Variants in WASHC2A observed in about 807,000 individuals in gnomAD.
WASHC2A encodes the protein WASH complex subunit 2A.
A neutral mutation model predicts 140.3 loss-of-function variants in WASHC2A; 82 were observed. The observed-to-expected ratio is 0.58, with a 90% CI of 0.49 to 0.70. The LOEUF (loss-of-function observed/expected upper bound fraction) is 0.70. Among genes scored for constraint, WASHC2A ranks in the 30% least tolerant of loss-of-function variants. The pLI is 0.00. For synonymous variants in WASHC2A, 340 were observed against 560.8 expected, an observed-to-expected ratio of 0.61 and a Z score of 5.56; for missense variants, 985 against 1,521.8, an observed-to-expected ratio of 0.65 and a Z score of 5.87.
intron 19 of WASHC2A, among the ~76,000 whole-genome samples, chr10:50,109,812 C>G (rs1377981914): frequency 6.6e-6 from 1 of 152,194 alleles, no homozygotes; most frequent in African/African-American, 2.4e-5. Flanking sequence ...CTCTGTCCCC[C>G]AGGCTGGAGT....
At chr10:50,082,417 A>G (rs1838983709) in intron 5 of WASHC2A, among the ~76,000 whole-genome samples, 1 of 150,622 alleles carries the variant, frequency 6.6e-6, no homozygotes, top group East Asian at 2.0e-4. Flanking sequence ...CACAGGGGAC[A>G]GGGCAGCATT....
At chr10:50,077,235 A>T (rs1431835777) in intron 3 of WASHC2A, among the ~76,000 whole-genome samples, 3 of 152,092 alleles carry the variant, frequency 2.0e-5, no homozygotes, top group African/African-American at 7.2e-5. Flanking sequence ...TGGAGGTTGC[A>T]GTGAGCCAAG....
intron 19 of WASHC2A, 94 bp from the exon 20 acceptor site, chr10:50,110,007 T>A (rs1842140643): frequency 1.6e-5 from 19 of 1,218,358 alleles, no homozygotes; most frequent in Non-Finnish European, 2.2e-5. Context: ...GCTGATCTCG[T>A]GATTCACCCG....
Position 50,127,616 on chromosome 10 carries a change from C to T in WASHC2A, c.2908C>T (p.Pro970Ser). ...AGCGATCAACCCAGCGGCCTTGCTGCCCACAGCGGCTTCCCAGATCTCTGA... is the reference window on the plus strand; with the variant it reads ...AGCGATCAACCCAGCGGCCTTGCTGTCCACAGCGGCTTCCCAGATCTCTGA... ...NLAINPAALL[P>S]TAASQISEVK... Residue 970 changes from proline (P) to serine (S), a missense_variant, in exon 28 of 31, where the codon CCC becomes TCC. Transcript: ENST00000282633. 5 of 1,609,088 alleles carry T rather than the reference C, an allele frequency of 3.1e-6. No homozygotes were observed. The highest frequency in any genetic ancestry group is 4.2e-6 in the Non-Finnish European group (5 of 1,178,632).
At chr10:50,100,924 G>T (rs1841072052) in intron 17 of WASHC2A, among the ~76,000 whole-genome samples, 1 of 152,312 alleles carries the variant, frequency 6.6e-6, no homozygotes, top group Non-Finnish European at 1.5e-5. Flanking sequence ...GGCCTTTTAG[G>T]AGATCATAGA....
chr10:50,091,615 A>G (rs1253424504), intron 10 of WASHC2A, 97 bp downstream of exon 10: 8 of 1,028,652 alleles, frequency 7.8e-6, no homozygotes, highest in East Asian at 7.8e-5. Context: ...ATTAGTAATT[A>G]CTACATATAT....
chr10:50,081,053 T>C, intron 5 of WASHC2A, 122 bp downstream of exon 5: 2 of 588,258 alleles, frequency 3.4e-6, no homozygotes, highest in Non-Finnish European at 6.2e-6. Context: ...CTTAGTAGTC[T>C]CACATTGACT....
chr10:50,107,605 C>A (rs1445988423), intron 19 of WASHC2A, among the ~76,000 whole-genome samples: 1 of 132,182 alleles, frequency 7.6e-6, no homozygotes, highest in African/African-American at 3.2e-5. Context: ...AATTCCGAAG[C>A]AGATTGCAAA....
Position 50,104,111 on chromosome 10 carries a change from T to C in WASHC2A, c.1705T>C (p.Leu569=). 2 of 1,456,020 alleles carry C rather than the reference T, an allele frequency of 1.4e-6. 1 individual carries two copies. The highest frequency in any genetic ancestry group is 1.9e-6 in the Non-Finnish European group (2 of 1,053,484). 90.2% of individuals were successfully genotyped at this position (1,456,020 alleles called of 1,614,324 possible). A position where few individuals can be genotyped will look rare whatever the true frequency, so the allele number is the denominator to read the frequency against. ...ASLLPGKLPT[L]VSLFDDEDEE... The stretch of plus-strand genomic sequence containing the variant: ...TCTGCTGCCTGGCAAGCTCCCCACG[T>C]TGGTTTCCCTGTTTGATGATGAAGA... The change falls in exon 18 of 31, where the codon TTG becomes CTG. Residue 569 remains leucine, a synonymous_variant. Coordinates refer to ENST00000282633, the MANE Select transcript of WASHC2A (RefSeq NM_001005751.3).
At chr10:50,101,150 A>C (rs1370008550) in intron 17 of WASHC2A, among the ~76,000 whole-genome samples, 4 of 152,428 alleles carry the variant, frequency 2.6e-5, no homozygotes, top group African/African-American at 9.6e-5. Flanking sequence ...ACTGAAGGCG[A>C]GTGTACAAAA....
chr10:50,091,473 C>G lies in WASHC2A; in HGVS notation c.886C>G (p.Arg296Gly). ...ATCGTTTGCAGATGAGCTGGCTGCC[C>G]GCATCAAGGGGGATGCCGTGGGTCG... ...PTSFADELAA[R>G]IKGDAVGRVD... The change falls in exon 10 of 31, where the codon CGC becomes GGC. Residue 296 changes from arginine to glycine, a missense_variant. Transcript: ENST00000282633. 8 of 1,550,640 alleles carry G rather than the reference C, an allele frequency of 5.2e-6. No homozygotes were observed. The highest frequency in any genetic ancestry group is 7.0e-6 in the Non-Finnish European group (8 of 1,147,266).
intron 3 of WASHC2A, among the ~76,000 whole-genome samples, chr10:50,074,032 T>TG (rs1189067777): frequency 7.0e-5 from 3 of 43,054 alleles, no homozygotes; most frequent in Non-Finnish European, 1.5e-4. Flanking sequence ...TTTGAATGAA[T>TG]GAGAGTACGC....
intron 17 of WASHC2A, among the ~76,000 whole-genome samples, chr10:50,101,912 C>G (rs1554886953): frequency 6.6e-6 from 1 of 152,062 alleles, no homozygotes. Flanking sequence ...TCAGGGAAGC[C>G]GGTCCTCTTA....
At chr10:50,130,337 T>C (rs1012180143) in intron 29 of WASHC2A, among the ~76,000 whole-genome samples, 1 of 137,390 alleles carries the variant, frequency 7.3e-6, no homozygotes, top group African/African-American at 2.5e-5. Flanking sequence ...TTCCTGGGCA[T>C]GCCACTCGGT....
chr10:50,090,429 G>GC (rs1839778655), intron 8 of WASHC2A, among the ~76,000 whole-genome samples: 1 of 148,438 alleles, frequency 6.7e-6, no homozygotes, highest in African/African-American at 2.5e-5. Flanking sequence ...CATGAACTGG[G>GC]CAGGCAGAGG....
chr10:50,081,852 C>T (rs1271063600), intron 5 of WASHC2A, among the ~76,000 whole-genome samples: 3 of 152,038 alleles, frequency 2.0e-5, no homozygotes, highest in African/African-American at 4.8e-5. Flanking sequence ...AGGCTGGTCT[C>T]GAACTCCCGA....
At chr10:50,101,715 T>G (rs1214903351) in intron 17 of WASHC2A, among the ~76,000 whole-genome samples, 2 of 152,182 alleles carry the variant, frequency 1.3e-5, no homozygotes, top group African/African-American at 4.8e-5. Context: ...TAGTGGTTCA[T>G]AACACCCATA....
chr10:50,121,933 T>C (rs570950817), intron 23 of WASHC2A, among the ~76,000 whole-genome samples: 1 of 135,430 alleles, frequency 7.4e-6, no homozygotes, highest in African/African-American at 2.9e-5. Flanking sequence ...CAATACTTCC[T>C]TCCCAAATTG....
chr10:50,103,551 C>T (rs1841445354), intron 17 of WASHC2A, among the ~76,000 whole-genome samples: 1 of 151,496 alleles, frequency 6.6e-6, no homozygotes, highest in African/African-American at 2.4e-5. Flanking sequence ...CAGAGCGAGA[C>T]TCCGCCTCAA....
Sources: allele counts gnomAD v4.1 joint callset (sites outside exome capture counted in the v4.1 genomes callset), GRCh38; gene constraint gnomAD v4.1.1; transcripts MANE v1.5; gene names NCBI Gene and HGNC (gene_info 2026-07-23, HGNC 2026-07-21).